Variants in SPOCK1 observed in about 807,000 individuals in gnomAD.
SPOCK1 encodes SPARC (osteonectin), cwcv and kazal like domains proteoglycan 1.
In SPOCK1, 23 loss-of-function variants were observed where a neutral mutation model predicts 55.3. The observed-to-expected ratio is 0.42, with a 90% CI of 0.30 to 0.59. The LOEUF is 0.59. SPOCK1 is among the 20% of genes least tolerant of loss of function. The pLI is 0.22. For missense variants in SPOCK1, 499 were observed against 552.5 expected, an observed-to-expected ratio of 0.90 and a Z score of 0.97; for synonymous variants, 226 against 221.0, an observed-to-expected ratio of 1.02 and a Z score of -0.20.
Position 137,088,190 on chromosome 5 carries a change from G to T in SPOCK1, c.475-20361C>A, listed in dbSNP as rs539268896. 4.6e-5 allele frequency among the ~76,000 whole-genome samples: 7 copies of T among 152,216 alleles called. No homozygotes were observed. In the South Asian group the frequency reaches 1.5e-3, roughly 32 times the overall value. On this transcript the variant is annotated intron_variant, in intron 5 of 10. Transcript: ENST00000394945. ...ACATCCTGCCTCAAGGACTAATCTG[G>T]GTCCCTCTCCAGGGAGAGGTTACAG...
intron 3 of SPOCK1, among the ~76,000 whole-genome samples, chr5:137,179,732 A>T (rs1456823841): frequency 6.6e-6 from 1 of 152,108 alleles, no homozygotes; most frequent in Admixed American, 6.5e-5. Context: ...AGCCCCACCT[A>T]ATGACTTGCC....
chr5:136,978,160 G>A lies in SPOCK1; in HGVS notation c.*494C>T, dbSNP rs770383987. 1.5e-4 allele frequency: 58 copies of A among 380,592 alleles called. No individual in the cohort carries two copies. Among genetic ancestry groups the A allele is most frequent in the East Asian group, 1.5e-3 (40 of 26,886 alleles). The allele number at this position is 380,592 out of a possible 1,614,324, so 23.6% of individuals were successfully genotyped here. ...TTTAATAATAATCACCGGCAGTAACGGGGGCAGGGGGAAAAAGTACAGTGT... is the reference window on the plus strand; with the variant it reads ...TTTAATAATAATCACCGGCAGTAACAGGGGCAGGGGGAAAAAGTACAGTGT... On this transcript the variant is annotated 3_prime_UTR_variant, in exon 11 of 11. Coordinates refer to ENST00000394945, the MANE Select transcript of SPOCK1 (RefSeq NM_004598.4).
rs143060860 is a variant in SPOCK1 at position 137,401,481 on chromosome 5, G to A, written c.186+96892C>T. ...TCATGCCTGTAACCCCAGCACTTTG[G>A]GAGGTTGAAGCAGGAGGATCAGTTG... is the stretch of plus-strand genomic sequence containing the variant. On this transcript the variant is annotated intron_variant, in intron 2 of 10. Coordinates refer to ENST00000394945, the MANE Select transcript of SPOCK1 (RefSeq NM_004598.4). Among the ~76,000 whole-genome samples the A allele has an allele frequency of 8.1e-3, 1,218 of 149,806 alleles. 5 individuals are homozygous for A. The highest frequency in any genetic ancestry group is 0.014 in the Middle Eastern group (4 of 286).
intron 4 of SPOCK1, among the ~76,000 whole-genome samples, chr5:137,121,930 T>TA (rs1561617143): frequency 2.1e-5 from 3 of 145,848 alleles, no homozygotes; most frequent in South Asian, 2.1e-4. Context: ...ACTGTTATTA[T>TA]ATAACAGTAT....
intron 6 of SPOCK1, among the ~76,000 whole-genome samples, chr5:137,063,182 G>A (rs1349327631): frequency 1.4e-5 from 2 of 148,084 alleles, no homozygotes; most frequent in Non-Finnish European, 3.0e-5. Context: ...GCAGTGAGCC[G>A]AGATTGCGCC....
chr5:137,237,692 A>C (rs1275048654), intron 3 of SPOCK1, among the ~76,000 whole-genome samples: 2 of 152,256 alleles, frequency 1.3e-5, no homozygotes, highest in Non-Finnish European at 2.9e-5. Context: ...CAATTCAGAC[A>C]GCAGAAGGGA....
At chr5:137,273,352 A>T in intron 2 of SPOCK1, 1 of 983,620 alleles carries the variant, frequency 1.0e-6, no homozygotes. Context: ...ATGTCTACAT[A>T]CAGTTGAAAA....
chr5:137,143,520 T>C (rs1465702975), intron 3 of SPOCK1, among the ~76,000 whole-genome samples: 1 of 152,128 alleles, frequency 6.6e-6, no homozygotes. Flanking sequence ...AACCTTGCTA[T>C]ACCTCACTTT....
At chr5:137,365,456 A>G (rs1751037536) in intron 2 of SPOCK1, 1 of 152,230 alleles carries the variant, frequency 6.6e-6, no homozygotes, top group South Asian at 2.1e-4. Context: ...TCTCTTCCCT[A>G]GAAGTAAGTT....
intron 2 of SPOCK1, among the ~76,000 whole-genome samples, chr5:137,305,153 T>C (rs1284920185): frequency 6.6e-6 from 1 of 152,360 alleles, no homozygotes. Flanking sequence ...TTCAGGCTTA[T>C]GTCTTTACAC....
chr5:137,083,398 A>G (rs1752907311), intron 5 of SPOCK1, among the ~76,000 whole-genome samples: 1 of 152,176 alleles, frequency 6.6e-6, no homozygotes, highest in Non-Finnish European at 1.5e-5. Context: ...ACAAGCTCTG[A>G]GGAACTTAAT....
chr5:137,144,951 A>C (rs567539033), intron 3 of SPOCK1, among the ~76,000 whole-genome samples: 4 of 152,314 alleles, frequency 2.6e-5, no homozygotes, highest in African/African-American at 9.6e-5. Flanking sequence ...ACATCCCCAG[A>C]GGATGACAAA....
chr5:137,053,244 C>T (rs13174285), intron 6 of SPOCK1, among the ~76,000 whole-genome samples: 28,643 of 152,036 alleles, frequency 0.19, 3,120 homozygotes, highest in Admixed American at 0.23. Context: ...GTGCACAGGG[C>T]GCCAGAGGGC....
chr5:137,136,372 C>A (rs1316939244), intron 4 of SPOCK1, among the ~76,000 whole-genome samples: 1 of 151,970 alleles, frequency 6.6e-6, no homozygotes, highest in Non-Finnish European at 1.5e-5. Context: ...TGCCCTTCAC[C>A]CAGATGATGG....
chr5:137,136,251 C>T (rs971605633), intron 4 of SPOCK1, among the ~76,000 whole-genome samples: 12 of 152,044 alleles, frequency 7.9e-5, no homozygotes, highest in South Asian at 2.1e-4. Context: ...TTTAGGTCTA[C>T]GACTCATTTC....
In SPOCK1 at chr5:137,269,319, C is replaced by T. The variant is rs146179206; in HGVS notation, c.187-2264G>A. The stretch of plus-strand genomic sequence containing the variant: ...AAAAATGATTCTCTGCATCTGATTG[C>T]TTTTGCCCTGCCTCAGGAAAGTGGA... On this transcript the variant is annotated intron_variant, in intron 2 of 10. Coordinates refer to ENST00000394945, the MANE Select transcript of SPOCK1 (RefSeq NM_004598.4). Among the ~76,000 whole-genome samples the T allele has an allele frequency of 8.9e-3, 1,350 of 152,340 alleles. 9 individuals carry two copies. Among genetic ancestry groups the T allele is most frequent in the Non-Finnish European group, 0.015 (1,054 of 68,018 alleles).
Position 137,155,733 on chromosome 5 carries a change from C to T in SPOCK1, c.233-15039G>A, listed in dbSNP as rs937435338. On this transcript the variant is annotated intron_variant, in intron 3 of 10. Coordinates refer to ENST00000394945, the MANE Select transcript of SPOCK1 (RefSeq NM_004598.4). ...AAACAGTATCCATTTCATGGACAATCGTTTTTTAAATGGGCAACAAATCTC... is the reference window on the plus strand; with the variant it reads ...AAACAGTATCCATTTCATGGACAATTGTTTTTTAAATGGGCAACAAATCTC... 1.4e-4 allele frequency among the ~76,000 whole-genome samples: 21 copies of T among 152,180 alleles called. No individual in the cohort carries two copies. In the South Asian group the frequency reaches 3.7e-3, roughly 27 times the overall value.
At chr5:137,199,970 C>T (rs1024180322) in intron 3 of SPOCK1, among the ~76,000 whole-genome samples, 1 of 152,186 alleles carries the variant, frequency 6.6e-6, no homozygotes, top group Non-Finnish European at 1.5e-5. Context: ...AGCCAGAACT[C>T]AGCAGCATCT....
intron 8 of SPOCK1, among the ~76,000 whole-genome samples, chr5:136,987,198 T>C (rs917693193): frequency 1.3e-5 from 2 of 152,126 alleles, no homozygotes; most frequent in Non-Finnish European, 2.9e-5. Flanking sequence ...CTAAGCTTTA[T>C]GGCTTCTTAG....
Sources: allele counts gnomAD v4.1 joint callset (sites outside exome capture counted in the v4.1 genomes callset), GRCh38; gene constraint gnomAD v4.1.1; transcripts MANE v1.5; gene names NCBI Gene and HGNC (gene_info 2026-07-23, HGNC 2026-07-21).